Variants in KHDRBS2 observed in about 807,000 individuals in gnomAD.
KHDRBS2 encodes the protein KH RNA binding domain containing, signal transduction associated 2, also known as KH domain-containing, RNA-binding, signal transduction-associated protein 2.
In KHDRBS2, 26 loss-of-function variants were observed where a neutral mutation model predicts 44.3. That is an observed-to-expected ratio of 0.59 (90% CI 0.43 to 0.81). The LOEUF (loss-of-function observed/expected upper bound fraction) is 0.81. Ranked by LOEUF, KHDRBS2 falls within the 40% of genes least tolerant of loss-of-function variation. KHDRBS2 has a pLI of 0.00. For missense variants in KHDRBS2, 476 were observed against 433.1 expected (o/e 1.10, Z -0.88); for synonymous variants, 194 against 151.1 (o/e 1.28, Z -2.08).
intron 2 of KHDRBS2, among the ~76,000 whole-genome samples, chr6:62,086,522 T>C (rs921498376): frequency 6.6e-6 from 1 of 152,146 alleles, no homozygotes; most frequent in Non-Finnish European, 1.5e-5. Context: ...TGAAATCTCC[T>C]GGAATGCTCT....
intron 2 of KHDRBS2, among the ~76,000 whole-genome samples, chr6:62,131,844 G>A (rs1368837007): frequency 6.6e-6 from 1 of 152,182 alleles, no homozygotes; most frequent in Non-Finnish European, 1.5e-5. Context: ...CTAGTACATT[G>A]TCTCATTTTC....
intron 1 of KHDRBS2, among the ~76,000 whole-genome samples, chr6:62,244,272 GTATT>G (rs1398566577): frequency 6.6e-6 from 1 of 152,018 alleles, no homozygotes; most frequent in African/African-American, 2.4e-5. Flanking sequence ...ACTTAAAAAA[GTATT>G]TATATATCAT....
At chr6:62,029,367 C>T (rs1199308590) in intron 3 of KHDRBS2, among the ~76,000 whole-genome samples, 1 of 151,666 alleles carries the variant, frequency 6.6e-6, no homozygotes, top group East Asian at 1.9e-4. Context: ...AACCTTCAAA[C>T]AGCTTTTAAG....
At chr6:61,757,441 C>A (rs1054901886) in intron 6 of KHDRBS2, among the ~76,000 whole-genome samples, 3 of 151,976 alleles carry the variant, frequency 2.0e-5, no homozygotes, top group African/African-American at 7.2e-5. Flanking sequence ...TTTTTTGCAT[C>A]CTTTATAATT....
At chr6:61,607,520 CAAAAAAA>C in the KHDRBS2 span, among the ~76,000 whole-genome samples, 531 of 41,106 alleles carry the variant, frequency 0.013, 6 homozygotes, top group African/African-American at 0.046. Context: ...GAGTTCCAAG[CAAAAAAA>C]AAAAAAAAAA....
At chr6:62,068,060 G>A (rs1016661713) in intron 2 of KHDRBS2, among the ~76,000 whole-genome samples, 1 of 151,514 alleles carries the variant, frequency 6.6e-6, no homozygotes, top group Non-Finnish European at 1.5e-5. Context: ...GTTTAGAAGT[G>A]AAATTGCTGG....
At chr6:61,618,363 T>A in the KHDRBS2 span, among the ~76,000 whole-genome samples, 1 of 152,228 alleles carries the variant, frequency 6.6e-6, no homozygotes, top group Admixed American at 6.5e-5. Context: ...AGATTGATTA[T>A]AAAGGATGGT....
chr6:62,047,906 C>A lies in KHDRBS2; in HGVS notation c.308G>T (p.Gly103Val). The change falls in exon 3 of 9, where the codon GGC becomes GTC. Residue 103 changes from glycine to valine, a missense_variant. By Grantham distance (109) the Gly-to-Val change is moderately radical (BLOSUM62 -3). Transcript: ENST00000281156. ...AGCTTTATCTCTCATTGATCCTTTG[C>A]CCAGGATAGACATTTTAGCACCTGT... Reference protein sequence around the residue: ...EETGAKMSILGKGSMRDKAKE... With the variant: ...EETGAKMSILVKGSMRDKAKE... 1 of 1,610,134 alleles carries A rather than the reference C, an allele frequency of 6.2e-7. No homozygotes were observed. Among genetic ancestry groups the A allele is most frequent in the Non-Finnish European group, 8.5e-7 (1 of 1,176,870 alleles).
chr6:62,061,609 T>C lies in KHDRBS2; in HGVS notation c.220-13615A>G, dbSNP rs559864315. On this transcript the variant is annotated intron_variant, in intron 2 of 8. Transcript: ENST00000281156. ...TTTCTCTCTGGCTGCCCTTAACATT[T>C]TTTCCTTCATTTCAACTTTGGTGAA... 1.8e-3 allele frequency among the ~76,000 whole-genome samples: 265 copies of C among 150,794 alleles called. 10 individuals carry two copies. The South Asian group carries it at 0.051, about 29-fold the overall frequency.
intron 4 of KHDRBS2, among the ~76,000 whole-genome samples, chr6:61,905,815 G>A (rs1804875067): frequency 6.7e-6 from 1 of 149,514 alleles, no homozygotes; most frequent in African/African-American, 2.5e-5. Flanking sequence ...TAGCAATGAG[G>A]CACCTAAATG....
At chr6:62,142,061 T>A (rs1812938105) in intron 2 of KHDRBS2, among the ~76,000 whole-genome samples, 1 of 152,116 alleles carries the variant, frequency 6.6e-6, no homozygotes, top group Non-Finnish European at 1.5e-5. Context: ...CGACCTCTTC[T>A]CCAGTAGCAA....
chr6:61,636,974 A>G, the KHDRBS2 span, among the ~76,000 whole-genome samples: 3 of 152,140 alleles, frequency 2.0e-5, no homozygotes, highest in Non-Finnish European at 4.4e-5. Context: ...TTGAATAAAC[A>G]TACAAGAAGA....
At chr6:61,721,628 T>C (rs1232328652) in intron 7 of KHDRBS2, among the ~76,000 whole-genome samples, 1 of 125,612 alleles carries the variant, frequency 8.0e-6, no homozygotes, top group Non-Finnish European at 1.8e-5. Context: ...TACATTGATT[T>C]TGTATCCTGA....
At chr6:61,662,095 A>G in the KHDRBS2 span, among the ~76,000 whole-genome samples, 3 of 152,234 alleles carry the variant, frequency 2.0e-5, no homozygotes, top group Admixed American at 6.5e-5. Flanking sequence ...ATAATGCTGC[A>G]TATCTACAAC....
At chr6:61,901,919 G>C (rs562863116) in intron 4 of KHDRBS2, among the ~76,000 whole-genome samples, 1 of 152,098 alleles carries the variant, frequency 6.6e-6, no homozygotes, top group Non-Finnish European at 1.5e-5. Context: ...CAACTAAACA[G>C]TTTGATGTGA....
intron 6 of KHDRBS2, among the ~76,000 whole-genome samples, chr6:61,848,507 ATATG>A (rs1230135009): frequency 0.022 from 1,184 of 53,828 alleles, 54 homozygotes; most frequent in African/African-American, 0.051. Context: ...ATATATATAT[ATATG>A]TATATATGTA....
intron 2 of KHDRBS2, among the ~76,000 whole-genome samples, chr6:62,127,921 C>A (rs979755694): frequency 6.6e-6 from 1 of 152,104 alleles, no homozygotes; most frequent in African/African-American, 2.4e-5. Flanking sequence ...TTAACATCTG[C>A]CAGGGACCAT....
At chr6:61,698,347 C>A (rs1406244247) in intron 7 of KHDRBS2, among the ~76,000 whole-genome samples, 2 of 152,208 alleles carry the variant, frequency 1.3e-5, no homozygotes, top group Admixed American at 6.5e-5. Context: ...TTCATACTTA[C>A]TCCCTAGGCA....
At chr6:62,255,019 G>T (rs538500723) in intron 1 of KHDRBS2, among the ~76,000 whole-genome samples, 1 of 152,118 alleles carries the variant, frequency 6.6e-6, no homozygotes, top group Admixed American at 6.6e-5. Context: ...TATGTGCTGT[G>T]AGTCAAGACC....
Sources: gnomAD v4.1 joint callset for allele counts (sites outside exome capture counted in the v4.1 genomes callset) on GRCh38, gnomAD v4.1.1 for gene constraint, MANE v1.5 for transcripts, NCBI Gene and HGNC (gene_info 2026-07-23, HGNC 2026-07-21) for gene names.